The following IL6ST variants were observed in gnomAD, a reference collection of about 807,000 sequenced individuals.
The protein encoded by IL6ST is interleukin-6 receptor subunit beta.
IL6ST carries 24 observed loss-of-function variants against 91.3 expected under a neutral mutation model. The ratio of observed to expected loss-of-function variants is 0.26; its 90% CI spans 0.19 to 0.37. The LOEUF (loss-of-function observed/expected upper bound fraction) is 0.37, where lower values mean the gene tolerates loss of function less well. Among genes scored for constraint, IL6ST ranks in the 10% least tolerant of loss-of-function variants. IL6ST has a pLI of 1.00. For synonymous variants in IL6ST, 351 were observed against 373.6 expected (o/e 0.94, Z 0.70); for missense variants, 914 against 1,078.5 (o/e 0.85, Z 2.14).
chr5:55,949,499 C>T (rs1161014704), intron 14 of IL6ST, among the ~76,000 whole-genome samples: 1 of 152,008 alleles, frequency 6.6e-6, no homozygotes, highest in Admixed American at 6.6e-5. Context: ...AAAAAATATA[C>T]ATATGGGCTT....
intron 1 of IL6ST, among the ~76,000 whole-genome samples, chr5:55,986,609 G>C (rs1450747964): frequency 1.3e-5 from 2 of 151,926 alleles, no homozygotes; most frequent in African/African-American, 4.8e-5. Flanking sequence ...CTTCATATTT[G>C]TTTTCTTCTT....
intron 15 of IL6ST, among the ~76,000 whole-genome samples, chr5:55,943,193 C>A (rs1390854107): frequency 6.6e-6 from 1 of 151,994 alleles, no homozygotes; most frequent in Non-Finnish European, 1.5e-5. Flanking sequence ...GAGAGCCTAC[C>A]AGACTGACTC....
intron 7 of IL6ST, among the ~76,000 whole-genome samples, chr5:55,963,014 C>A (rs2111764296): frequency 6.6e-6 from 1 of 151,312 alleles, no homozygotes; most frequent in East Asian, 1.9e-4. Flanking sequence ...GAGACTAAGG[C>A]AGGAGGATCA....
intron 11 of IL6ST, among the ~76,000 whole-genome samples, chr5:55,952,890 C>T (rs996979777): frequency 9.2e-5 from 14 of 151,996 alleles, no homozygotes; most frequent in Non-Finnish European, 8.8e-5. Flanking sequence ...GGTGAAACCC[C>T]CCTTTACTGA....
chr5:55,974,818 C>T (rs938987365), intron 3 of IL6ST, among the ~76,000 whole-genome samples: 2 of 151,836 alleles, frequency 1.3e-5, no homozygotes, highest in African/African-American at 2.4e-5. Flanking sequence ...TCACTAATAA[C>T]CCTAGGAGGT....
At chr5:55,994,323 G>A (rs1281220619) in intron 1 of IL6ST, 1 of 152,078 alleles carries the variant, frequency 6.6e-6, no homozygotes, top group Non-Finnish European at 1.5e-5. Context: ...GTGTTTATAA[G>A]CATTGTGAAC....
chr5:55,941,343 T>C lies in IL6ST; in HGVS notation c.2496A>G (p.Glu832=), dbSNP rs1580779212. Residue 832 remains glutamate, a synonymous_variant, in exon 17 of 17, where the codon GAA becomes GAG. Transcript: ENST00000381298. ...HESSPDISHF[E]RSKQVSSVNE... ...TGACTGATGAAACTTGCTTTGACCT[T>C]TCAAAATGTGAAATATCTGGACTGG... 1 of 1,614,140 alleles carries C rather than the reference T, an allele frequency of 6.2e-7. No individual in the cohort carries two copies. Among genetic ancestry groups the C allele is most frequent in the East Asian group, 2.2e-5 (1 of 44,888 alleles).
chr5:55,968,125 C>A, intron 5 of IL6ST, 151 bp downstream of exon 5: 1 of 773,014 alleles, frequency 1.3e-6, no homozygotes, highest in South Asian at 1.9e-5. Flanking sequence ...CCGCGCCTGG[C>A]CTCTACTTTT....
chr5:55,948,977 A>G (rs2111653048), intron 14 of IL6ST: 1 of 152,328 alleles, frequency 6.6e-6, no homozygotes, highest in African/African-American at 2.4e-5. Flanking sequence ...TAATGGATCC[A>G]TGAGACTACA....
chr5:55,957,041 C>T (rs1415450646), intron 9 of IL6ST, among the ~76,000 whole-genome samples, 168 bp downstream of exon 9: 1 of 151,806 alleles, frequency 6.6e-6, no homozygotes, highest in Non-Finnish European at 1.5e-5. Context: ...ACCTGTAGTC[C>T]CAGCTACTCA....
intron 15 of IL6ST, among the ~76,000 whole-genome samples, chr5:55,943,617 C>A (rs942541820): frequency 6.6e-6 from 1 of 152,076 alleles, no homozygotes; most frequent in Non-Finnish European, 1.5e-5. Flanking sequence ...ATAAAATGCA[C>A]CATATTCATG....
Position 55,941,265 on chromosome 5 carries a change from T to C in IL6ST, c.2574A>G (p.Gln858=), listed in dbSNP as rs202126084. ...LKQQISDHIS[Q]SCGSGQMKMF... ...TTTTCATTTGCCCAGATCCACAGGA[T>C]TGTGAAATATGATCTGAAATCTGCT... The change falls in exon 17 of 17, where the codon CAA becomes CAG. Residue 858 remains glutamine, a synonymous_variant. Transcript: ENST00000381298. 2.5e-6 allele frequency: 4 copies of C among 1,614,090 alleles called. No homozygotes were observed. The highest frequency in any genetic ancestry group is 1.1e-5 in the South Asian group (1 of 91,080).
In IL6ST at chr5:55,944,730, G is replaced by A. The variant is rs1390077282; in HGVS notation, c.1938-1979C>T. ...GAAGAAAGATGAGGCAGAGGTCCAAGTAAACCGCTAGCTTGTTGCACCGTG... is the reference window on the plus strand; with the variant it reads ...GAAGAAAGATGAGGCAGAGGTCCAAATAAACCGCTAGCTTGTTGCACCGTG... On this transcript the variant is annotated intron_variant, in intron 15 of 16. Coordinates refer to ENST00000381298, the MANE Select transcript of IL6ST (RefSeq NM_002184.4). The A allele has an allele frequency of 2.7e-5, 28 of 1,023,360 alleles. No individual in the cohort carries two copies. In the African/African-American group the frequency reaches 3.5e-4, roughly 13 times the overall value. 63.4% of individuals were successfully genotyped at this position (1,023,360 alleles called of 1,614,324 possible). A position where few individuals can be genotyped will look rare whatever the true frequency, so the allele number is the denominator to read the frequency against.
At chr5:55,957,376 T>A (rs1288526609) in intron 8 of IL6ST, 85 bp from the exon 9 acceptor site, 5 of 681,770 alleles carry the variant, frequency 7.3e-6, no homozygotes, top group African/African-American at 1.9e-5. Context: ...ACTTTGTTCT[T>A]AATACTCTTG....
At position 55,939,491 on chromosome 5, in the gene IL6ST, T is replaced by C. The variant is rs571867519; in HGVS notation, c.*1591A>G. 9.7e-6 allele frequency: 2 copies of C among 205,374 alleles called. No homozygotes were observed. The highest frequency in any genetic ancestry group is 2.0e-5 in the Non-Finnish European group (2 of 100,376). 12.7% of individuals were successfully genotyped at this position (205,374 alleles called of 1,614,324 possible). ...AGTAAAAAGTGTAATTATATTTCCA[T>C]TGTAAATGTATACCAAGTTTTCTTA... On this transcript the variant is annotated 3_prime_UTR_variant, in exon 17 of 17. Coordinates refer to ENST00000381298, the MANE Select transcript of IL6ST (RefSeq NM_002184.4).
chr5:55,964,328 T>C lies in IL6ST; in HGVS notation c.492-16A>G, dbSNP rs763297261. ...GTGTGTTGCCCTAAATACAAAAAAT[T>C]GAAGAATCAGTCATTAAAAACACAT... On this transcript the variant is annotated splice_polypyrimidine_tract_variant and intron_variant, in intron 5 of 16. Transcript: ENST00000381298. 19 of 1,586,842 alleles carry C rather than the reference T, an allele frequency of 1.2e-5. No individual in the cohort carries two copies. Among genetic ancestry groups the C allele is most frequent in the Admixed American group, 1.8e-5 (1 of 56,230 alleles).
At chr5:55,960,377 C>T (rs1478355992) in intron 8 of IL6ST, 25 bp downstream of exon 8, 4 of 1,587,448 alleles carry the variant, frequency 2.5e-6, no homozygotes, top group Non-Finnish European at 3.4e-6. Flanking sequence ...AATAGCTTTA[C>T]TTCTTCATAT....
chr5:55,952,169 T>A (rs765749433), intron 12 of IL6ST, 81 bp downstream of exon 12: 64 of 1,482,188 alleles, frequency 4.3e-5, no homozygotes, highest in Admixed American at 3.6e-4. Flanking sequence ...ATGAGATACA[T>A]CTTTATTTAA....
chr5:55,936,131 T>A lies in IL6ST; in HGVS notation c.*4951A>T, dbSNP rs182569896. 4.3e-4 allele frequency: 98 copies of A among 227,878 alleles called. 2 individuals are homozygous for A. The highest frequency in any genetic ancestry group is 3.5e-5 in the Non-Finnish European group (4 of 114,752). The allele number at this position is 227,878 out of a possible 1,614,324, so 14.1% of individuals were successfully genotyped here. ...GTGAAGGCACATTAATAGTTGAGAT[T>A]TTCTTTTCCTTCCAGGTGGACTTGC... On this transcript the variant is annotated 3_prime_UTR_variant, in exon 17 of 17. Transcript: ENST00000381298.
Sources: allele counts gnomAD v4.1 joint callset (sites outside exome capture counted in the v4.1 genomes callset), GRCh38; gene constraint gnomAD v4.1.1; transcripts MANE v1.5; gene names NCBI Gene and HGNC (gene_info 2026-07-23, HGNC 2026-07-21).